The following TMEM237 variants were observed in gnomAD, a reference collection of about 807,000 sequenced individuals.
TMEM237 encodes the protein transmembrane protein 237.
Under a neutral mutation model 59.1 loss-of-function variants are expected in TMEM237, and 51 were observed. The ratio of observed to expected loss-of-function variants is 0.86; its 90% confidence interval spans 0.69 to 1.09. TMEM237 has a LOEUF of 1.09. Ranked by LOEUF, TMEM237 falls within the 50% of genes least tolerant of loss-of-function variation. The pLI is 0.00. For missense variants in TMEM237, 475 were observed against 478.3 expected, an observed-to-expected ratio of 0.99 and a Z score of 0.06; for synonymous variants, 140 against 166.1, an observed-to-expected ratio of 0.84 and a Z score of 1.21.
In TMEM237 at chr2:201,626,089, C is replaced by A. The variant is rs73989521; in HGVS notation, c.1096G>T (p.Ala366Ser). The change falls in exon 12 of 13, where the codon GCT becomes TCT. Residue 366 changes from alanine to serine, a missense_variant. Transcript: ENST00000409883. The stretch of plus-strand genomic sequence containing the variant: ...AGCCAAGATAATCCAACCAGAAGAG[C>A]CACCACGAGATTCACCACAATCCAT... Reference protein sequence around the residue: ...QPWIVVNLVVALLVGLSWLFL... With the variant: ...QPWIVVNLVVSLLVGLSWLFL... The A allele has an allele frequency of 0.052, 83,232 of 1,608,098 alleles. 2,715 individuals are homozygous for A. Among genetic ancestry groups the A allele is most frequent in the African/African-American group, 0.15 (11,465 of 74,712 alleles).
rs1187326214 is a variant in TMEM237 at position 201,642,495 on chromosome 2, C to A, written c.42+864G>T. On this transcript the variant is annotated intron_variant, in intron 1 of 12. Coordinates refer to ENST00000409883, the MANE Select transcript of TMEM237 (RefSeq NM_001044385.3). ...TGTTCACGTAACTGATTTCAAAAGT[C>A]CCGCAAAAATGACGTTCCACCCACC... 1.1e-5 allele frequency: 14 copies of A among 1,239,246 alleles called. No homozygotes were observed. The Admixed American group carries it at 3.8e-4, about 33-fold the overall frequency. The allele number at this position is 1,239,246 out of a possible 1,614,324, so 76.8% of individuals were successfully genotyped here.
rs569316732 is a variant in TMEM237, at chr2:201,642,836, C to T, written c.42+523G>A. On this transcript the variant is annotated intron_variant, in intron 1 of 12. Transcript: ENST00000409883. ...AGACTAGCCCTGCCAAAAAGGGGGC[C>T]TCGGAGTTGGGGGTAATGTGCCCAG... The T allele has an allele frequency of 8.2e-6, 11 of 1,344,398 alleles. No individual in the cohort carries two copies. The South Asian group carries it at 1.4e-4, about 17-fold the overall frequency. The allele number at this position is 1,344,398 out of a possible 1,614,324, so 83.3% of individuals were successfully genotyped here. A position where few individuals can be genotyped will look rare whatever the true frequency, so the allele number is the denominator to read the frequency against.
chr2:201,627,552 T>C, intron 10 of TMEM237, 138 bp from the exon 11 acceptor site: 1 of 582,290 alleles, frequency 1.7e-6, no homozygotes, highest in Non-Finnish European at 2.9e-6. Flanking sequence ...ATAAATATAT[T>C]TCAATAGGCC....
chr2:201,626,531 G>A lies in TMEM237; in HGVS notation c.1038-384C>T, dbSNP rs531615125. ...CTTTTGGATGCTACGTGCAGCATTT[G>A]GGGAAAAAAAAAAAAAAAAAAAAAA... On this transcript the variant is annotated intron_variant, in intron 11 of 12. Transcript: ENST00000409883. 4.2e-5 allele frequency among the ~76,000 whole-genome samples: 5 copies of A among 120,452 alleles called. No individual in the cohort carries two copies. In the South Asian group the frequency reaches 1.0e-3, roughly 25 times the overall value. The allele number at this position is 120,452 out of a possible 152,430, so 79.0% of individuals were successfully genotyped here. A position where few individuals can be genotyped will look rare whatever the true frequency, so the allele number is the denominator to read the frequency against.
intron 1 of TMEM237, among the ~76,000 whole-genome samples, chr2:201,641,901 G>C (rs12986682): frequency 0.044 from 6,708 of 152,214 alleles, 187 homozygotes; most frequent in Middle Eastern, 0.092. Flanking sequence ...CAGCAAGGCT[G>C]CCGCACAATT....
At chr2:201,630,414 A>G (rs1957797824) in intron 7 of TMEM237, among the ~76,000 whole-genome samples, 1 of 152,188 alleles carries the variant, frequency 6.6e-6, no homozygotes, top group Admixed American at 6.5e-5. Context: ...ATATTGTATG[A>G]GCAGGGCTTT....
intron 5 of TMEM237, among the ~76,000 whole-genome samples, chr2:201,633,918 G>T (rs1428653064): frequency 6.6e-6 from 1 of 152,176 alleles, no homozygotes; most frequent in African/African-American, 2.4e-5. Flanking sequence ...CAACACATGT[G>T]ACACATGTTG....
In TMEM237 at chr2:201,635,784, C is replaced by T. The variant is rs1448097750; in HGVS notation, c.274+964G>A. Among the ~76,000 whole-genome samples the T allele has an allele frequency of 6.7e-6, 1 of 149,034 alleles. No individual in the cohort carries two copies. The highest frequency in any genetic ancestry group is 1.5e-5 in the Non-Finnish European group (1 of 67,400). ...TCTTAAAAAAAAAAAAAAAGAGGCT[C>T]GAAGAAACAAGGAAGGATTCTTTTC... is the stretch of plus-strand genomic sequence containing the variant. On this transcript the variant is annotated intron_variant, in intron 5 of 12. Coordinates refer to ENST00000409883, the MANE Select transcript of TMEM237 (RefSeq NM_001044385.3). This position sits in a 1 kb window ranked among gnomAD's most constrained non-coding sequence, Gnocchi z 4.5.
chr2:201,625,896 T>G, intron 12 of TMEM237, 130 bp downstream of exon 12: 1 of 1,015,906 alleles, frequency 9.8e-7, no homozygotes, highest in East Asian at 2.7e-5. Context: ...TTTTCTCTCT[T>G]CTTGTATCAT....
intron 1 of TMEM237, chr2:201,642,613 G>T (rs759239674): frequency 6.2e-7 from 1 of 1,609,210 alleles, no homozygotes; most frequent in African/African-American, 1.3e-5. Context: ...GCTTACCACA[G>T]GATTCTTCCC....
chr2:201,643,035 G>A lies in TMEM237; in HGVS notation c.42+324C>T, dbSNP rs1687462618. 3 of 1,282,496 alleles carry A rather than the reference G, an allele frequency of 2.3e-6. No homozygotes were observed. The highest frequency in any genetic ancestry group is 3.0e-6 in the Non-Finnish European group (3 of 1,003,922). 79.4% of individuals were successfully genotyped at this position (1,282,496 alleles called of 1,614,324 possible). The stretch of plus-strand genomic sequence containing the variant: ...ACAGACCTCTCCTCGGAGGAGTCTA[G>A]GAGAGGCCTGGCTGGAAGCCCCGGC... On this transcript the variant is annotated intron_variant, in intron 1 of 12. Coordinates refer to ENST00000409883, the MANE Select transcript of TMEM237 (RefSeq NM_001044385.3). The surrounding 1 kb of genome is among the most constrained non-coding windows in gnomAD (Gnocchi z 4.3).
chr2:201,642,784 C>A (rs565247932), intron 1 of TMEM237: 5 of 1,423,176 alleles, frequency 3.5e-6, no homozygotes, highest in South Asian at 1.6e-5. Flanking sequence ...CGGTGAGAGG[C>A]GTGCAGGGAC....
chr2:201,632,145 G>A lies in TMEM237; in HGVS notation c.459C>T (p.Ile153=). 2 of 1,613,930 alleles carry A rather than the reference G, an allele frequency of 1.2e-6. No individual in the cohort carries two copies. The highest frequency in any genetic ancestry group is 1.3e-5 in the African/African-American group (1 of 75,036). Residue 153 remains isoleucine (I), a synonymous_variant, in exon 7 of 13, where the codon ATC becomes ATT. Transcript: ENST00000409883. ...NELGVEDEDI[I]TDEQTTVEQQ... ...GTTCCACAGTAGTTTGCTCATCAGT[G>A]ATTATGTCTTCATCTTCTACTCCTA...
rs1175498895 is a variant in TMEM237 at position 201,637,269 on chromosome 2, A to G, written c.137-384T>C. Among the ~76,000 whole-genome samples the G allele has an allele frequency of 2.0e-5, 3 of 152,220 alleles. No homozygotes were observed. In the East Asian group the frequency reaches 5.8e-4, roughly 29 times the overall value. ...AATTTTCATCAGCCTCTATATAGTAAAGTCCTTCATTAATAAGTTAAAGAA... is the reference window on the plus strand; with the variant it reads ...AATTTTCATCAGCCTCTATATAGTAGAGTCCTTCATTAATAAGTTAAAGAA... On this transcript the variant is annotated intron_variant, in intron 4 of 12. Coordinates refer to ENST00000409883, the MANE Select transcript of TMEM237 (RefSeq NM_001044385.3).
chr2:201,643,384 C>T lies in TMEM237; in HGVS notation c.17G>A (p.Gly6Glu). Reference sequence around the variant, plus strand: ...CAGGTGGCCCTCCTCCAGCCGAGCCCCCGAGTCAGTCCTCATGGTGCTCTC... The same window carrying T: ...CAGGTGGCCCTCCTCCAGCCGAGCCTCCGAGTCAGTCCTCATGGTGCTCTC... MRTDS[G>E]ARLEEGHLRP... Residue 6 changes from glycine (G) to glutamate (E), a missense_variant, in exon 1 of 13, where the codon GGG (glycine) becomes GAG (glutamate). Coordinates refer to ENST00000409883, the MANE Select transcript of TMEM237 (RefSeq NM_001044385.3). The surrounding 1 kb of genome is among the most constrained non-coding windows in gnomAD (Gnocchi z 4.3). 3 of 1,546,146 alleles carry T rather than the reference C, an allele frequency of 1.9e-6. No homozygotes were observed. The highest frequency in any genetic ancestry group is 1.2e-5 in the South Asian group (1 of 83,746).
rs2105904574 is a variant in TMEM237 at position 201,641,053 on chromosome 2, A to G, written c.43-129T>C. ...GTGGCCCAGGCTGGAGTGCAACGGCACGATCTTGGCTCACTGCAGCTTCCA... is the reference window on the plus strand; with the variant it reads ...GTGGCCCAGGCTGGAGTGCAACGGCGCGATCTTGGCTCACTGCAGCTTCCA... On this transcript the variant is annotated intron_variant, in intron 1 of 12. Transcript: ENST00000409883. The G allele has an allele frequency of 2.7e-5, 19 of 699,968 alleles. 1 individual carries two copies. Among genetic ancestry groups the G allele is most frequent in the South Asian group, 8.5e-5 (3 of 35,110 alleles). 43.4% of individuals were successfully genotyped at this position (699,968 alleles called of 1,614,324 possible).
intron 5 of TMEM237, chr2:201,636,364 C>A: frequency 6.1e-6 from 1 of 164,782 alleles, no homozygotes; most frequent in Non-Finnish European, 1.3e-5. Context: ...TTGTGAACTG[C>A]CTGGGACATA....
chr2:201,640,835 CT>C, intron 2 of TMEM237, 57 bp downstream of exon 2: 1 of 1,401,070 alleles, frequency 7.1e-7, no homozygotes, highest in Non-Finnish European at 9.7e-7. Context: ...AATTTTTCCA[CT>C]GTCTTCATTT....
intron 6 of TMEM237, 36 bp from the exon 7 acceptor site, chr2:201,632,244 T>C (rs770080100): frequency 1.0e-5 from 16 of 1,607,726 alleles, no homozygotes; most frequent in Non-Finnish European, 1.3e-5. Context: ...AATAGATGAT[T>C]ATTGAATTTT....
Sources: gnomAD v4.1 joint callset for allele counts (sites outside exome capture counted in the v4.1 genomes callset) on GRCh38, gnomAD v4.1.1 for gene constraint, Gnocchi (gnomAD v3.1) non-coding constraint, MANE v1.5 for transcripts, NCBI Gene and HGNC (gene_info 2026-07-23, HGNC 2026-07-21) for gene names.